Variants in GPC6 observed in about 807,000 individuals in gnomAD.
GPC6 encodes glypican-6.
Under a neutral mutation model 55.2 loss-of-function variants are expected in GPC6, and 14 were observed. The observed-to-expected ratio is 0.25, with a 90% CI of 0.17 to 0.40. GPC6 has a LOEUF of 0.40. Ranked by LOEUF, GPC6 falls within the 10% of genes least tolerant of loss-of-function variation. GPC6 has a pLI of 1.00. For synonymous variants in GPC6, 278 were observed against 259.6 expected (o/e 1.07, Z -0.68); for missense variants, 641 against 708.5 (o/e 0.90, Z 1.08).
At chr13:93,998,694 A>T (rs12871381) in intron 3 of GPC6, among the ~76,000 whole-genome samples, 42,273 of 151,948 alleles carry the variant, frequency 0.28, 6,027 homozygotes, top group Non-Finnish European at 0.32. Context: ...TAAGATTTTT[A>T]AAAAATTAAT....
chr13:93,728,456 GTT>G (rs1045288864), intron 2 of GPC6, among the ~76,000 whole-genome samples: 38 of 151,630 alleles, frequency 2.5e-4, no homozygotes, highest in African/African-American at 8.2e-4. Context: ...GCCCAGGCTG[GTT>G]TTGAACTCCT....
chr13:94,257,283 G>C (rs573818003), intron 4 of GPC6, among the ~76,000 whole-genome samples: 29 of 152,252 alleles, frequency 1.9e-4, no homozygotes, highest in African/African-American at 6.7e-4. Context: ...ATTTTCCTAG[G>C]CCCAAAGCAC....
At chr13:93,331,936 C>A (rs886072049) in intron 1 of GPC6, among the ~76,000 whole-genome samples, 8 of 152,072 alleles carry the variant, frequency 5.3e-5, no homozygotes, top group African/African-American at 1.9e-4. Flanking sequence ...TTTATAGCTC[C>A]CATATATAAG....
At chr13:94,121,797 T>A (rs1157788847) in intron 4 of GPC6, among the ~76,000 whole-genome samples, 1 of 152,130 alleles carries the variant, frequency 6.6e-6, no homozygotes, top group Non-Finnish European at 1.5e-5. Context: ...ATTGCACCTC[T>A]CCAGGGTCTG....
chr13:94,272,376 G>C (rs1401788616), intron 4 of GPC6, among the ~76,000 whole-genome samples: 1 of 151,566 alleles, frequency 6.6e-6, no homozygotes, highest in Non-Finnish European at 1.5e-5. Flanking sequence ...CAATATGCTG[G>C]TGAAAAGTTT....
chr13:93,592,242 T>A (rs1027593276), intron 2 of GPC6, among the ~76,000 whole-genome samples: 1 of 151,598 alleles, frequency 6.6e-6, no homozygotes, highest in African/African-American at 2.4e-5. Flanking sequence ...TGGAGTGCAG[T>A]GGCACGATCT....
chr13:93,946,007 G>T (rs1036485876), intron 3 of GPC6, among the ~76,000 whole-genome samples: 1 of 152,104 alleles, frequency 6.6e-6, no homozygotes, highest in South Asian at 2.1e-4. Context: ...ACATTAAAGT[G>T]AATCTGCATT....
At chr13:93,333,623 C>A (rs949087526) in intron 1 of GPC6, among the ~76,000 whole-genome samples, 2 of 151,228 alleles carry the variant, frequency 1.3e-5, no homozygotes, top group African/African-American at 4.9e-5. Context: ...ACCTCTACCT[C>A]CTGGCTCAAG....
intron 6 of GPC6, among the ~76,000 whole-genome samples, chr13:94,306,411 G>A (rs919666625): frequency 1.3e-5 from 2 of 152,110 alleles, no homozygotes; most frequent in Non-Finnish European, 2.9e-5. Context: ...AAACTAAGTT[G>A]CCAGTTCTTC....
intron 2 of GPC6, among the ~76,000 whole-genome samples, chr13:93,643,361 C>A (rs1880042169): frequency 6.6e-6 from 1 of 151,960 alleles, no homozygotes; most frequent in Admixed American, 6.6e-5. Flanking sequence ...TCAGCTGGGC[C>A]TGAGAATTAA....
chr13:94,013,214 G>T (rs1012259271), intron 3 of GPC6, among the ~76,000 whole-genome samples: 3 of 96,008 alleles, frequency 3.1e-5, no homozygotes, highest in African/African-American at 9.9e-5. Context: ...GTGCATGTGT[G>T]TATGTATATA....
chr13:93,841,493 C>T (rs1887954267), intron 3 of GPC6, among the ~76,000 whole-genome samples: 1 of 152,154 alleles, frequency 6.6e-6, no homozygotes, highest in East Asian at 1.9e-4. Context: ...GGGTCAATCT[C>T]AGATACTTAG....
chr13:93,469,665 A>G (rs1879039750), intron 1 of GPC6, among the ~76,000 whole-genome samples: 1 of 152,188 alleles, frequency 6.6e-6, no homozygotes, highest in Admixed American at 6.5e-5. Context: ...TTTTGGTGTC[A>G]TAACTCCAGA....
At chr13:93,732,470 A>G (rs1239430902) in intron 2 of GPC6, among the ~76,000 whole-genome samples, 1 of 152,184 alleles carries the variant, frequency 6.6e-6, no homozygotes, top group Non-Finnish European at 1.5e-5. Context: ...GCTAATTGAG[A>G]TATGATTAAA....
intron 1 of GPC6, among the ~76,000 whole-genome samples, chr13:93,368,552 G>T (rs1051328337): frequency 2.6e-5 from 4 of 151,796 alleles, no homozygotes; most frequent in Admixed American, 1.3e-4. Context: ...ATGCACCTTG[G>T]TCTTTCCTCA....
intron 1 of GPC6, among the ~76,000 whole-genome samples, chr13:93,295,927 C>T (rs753623885): frequency 5.9e-5 from 9 of 151,876 alleles, no homozygotes; most frequent in Non-Finnish European, 1.0e-4. Context: ...TGGCCAGGCT[C>T]GTCTTGAACT....
Position 94,406,851 on chromosome 13 carries a change from T to C in GPC6, c.*3634T>C, listed in dbSNP as rs1033141980. The C allele has an allele frequency of 1.3e-5, 2 of 152,136 alleles. No homozygotes were observed. Among genetic ancestry groups the C allele is most frequent in the Non-Finnish European group, 2.9e-5 (2 of 67,964 alleles). The allele number at this position is 152,136 out of a possible 1,614,324, so 9.4% of individuals were successfully genotyped here. On this transcript the variant is annotated 3_prime_UTR_variant, in exon 9 of 9. Coordinates refer to ENST00000377047, the MANE Select transcript of GPC6 (RefSeq NM_005708.5). ...GATTAAACCTAGACGCATTAGGAAA[T>C]GCAAGTTTTACCTAAAACTTGCAGA...
At chr13:93,471,546 C>G (rs910399122) in intron 1 of GPC6, among the ~76,000 whole-genome samples, 1 of 151,950 alleles carries the variant, frequency 6.6e-6, no homozygotes, top group African/African-American at 2.4e-5. Context: ...AAATTTTCTC[C>G]TATATTTAGC....
intron 3 of GPC6, among the ~76,000 whole-genome samples, chr13:93,979,141 A>T (rs1288443743): frequency 1.3e-5 from 2 of 152,026 alleles, no homozygotes; most frequent in East Asian, 3.9e-4. Flanking sequence ...ATGTATCTAC[A>T]CTCTCCAATA....
Sources: gnomAD v4.1 joint callset for allele counts (sites outside exome capture counted in the v4.1 genomes callset) on GRCh38, gnomAD v4.1.1 for gene constraint, MANE v1.5 for transcripts, NCBI Gene and HGNC (gene_info 2026-07-23, HGNC 2026-07-21) for gene names.